Variants in CHD9NB observed in about 807,000 individuals in gnomAD.
The protein encoded by CHD9NB is CHD9 neighbor.
At chr16:53,042,721 G>A in the CHD9NB span, 2 of 152,170 alleles carry the variant, frequency 1.3e-5, no homozygotes, top group Admixed American at 6.5e-5. Context: ...AAAGAAAAAT[G>A]GTCCTCACTA....
the CHD9NB span, chr16:53,042,942 C>T: frequency 6.6e-6 from 1 of 152,232 alleles, no homozygotes; most frequent in East Asian, 1.9e-4. Flanking sequence ...ATTAAACCGT[C>T]TATGGAAAGT....
At chr16:53,042,073 T>TAA in the CHD9NB span, among the ~76,000 whole-genome samples, 1 of 152,196 alleles carries the variant, frequency 6.6e-6, no homozygotes, top group African/African-American at 2.4e-5. Context: ...GCAGTTGCCT[T>TAA]ATTGCTCAAA....
At chr16:53,042,574 C>T in the CHD9NB span, among the ~76,000 whole-genome samples, 3 of 149,290 alleles carry the variant, frequency 2.0e-5, no homozygotes, top group African/African-American at 5.0e-5. Context: ...CTTCCCTCTC[C>T]GTCTCTTCCT....
At chr16:53,041,849 C>G in the CHD9NB span, among the ~76,000 whole-genome samples, 1 of 152,160 alleles carries the variant, frequency 6.6e-6, no homozygotes, top group Non-Finnish European at 1.5e-5. Flanking sequence ...CAAAGAGGCC[C>G]CAAACTTCCT....
chr16:53,036,352 C>A, the CHD9NB span, among the ~76,000 whole-genome samples: 1 of 152,166 alleles, frequency 6.6e-6, no homozygotes, highest in Non-Finnish European at 1.5e-5. Context: ...TGAGCAGAAG[C>A]CATTGGTCAC....
At chr16:53,039,425 C>T in the CHD9NB span, among the ~76,000 whole-genome samples, 3 of 152,302 alleles carry the variant, frequency 2.0e-5, no homozygotes, top group East Asian at 5.8e-4. Context: ...AGAAGGTGAA[C>T]TTTCCTTTCC....
chr16:53,051,768 A>AATATATATATATATATATAT, the CHD9NB span, among the ~76,000 whole-genome samples: 13 of 104,608 alleles, frequency 1.2e-4, no homozygotes, highest in Non-Finnish European at 1.9e-4. Flanking sequence ...TAAAAGTATA[A>AATATATATATATATATATAT]ATATATATAT....
At chr16:53,044,275 A>G in the CHD9NB span, 1 of 397,292 alleles carries the variant, frequency 2.5e-6, no homozygotes, top group East Asian at 3.6e-5. Context: ...TGTTGAAAAG[A>G]GCCAGTTCCG....
chr16:53,049,867 T>C, the CHD9NB span, among the ~76,000 whole-genome samples: 1 of 152,160 alleles, frequency 6.6e-6, no homozygotes, highest in Admixed American at 6.5e-5. Context: ...TTGCTTAACA[T>C]TTTTGACTCA....
At chr16:53,051,038 C>T in the CHD9NB span, among the ~76,000 whole-genome samples, 1 of 152,114 alleles carries the variant, frequency 6.6e-6, no homozygotes, top group Non-Finnish European at 1.5e-5. Context: ...CAGGCGCCCA[C>T]CACCATGCCC....
At chr16:53,048,949 G>C in the CHD9NB span, among the ~76,000 whole-genome samples, 1 of 152,244 alleles carries the variant, frequency 6.6e-6, no homozygotes, top group South Asian at 2.1e-4. Context: ...AACACACAGA[G>C]CAGGATGGAG....
At chr16:53,042,739 G>A in the CHD9NB span, 2 of 152,196 alleles carry the variant, frequency 1.3e-5, no homozygotes, top group Non-Finnish European at 2.9e-5. Context: ...CTATGCACAG[G>A]CTATAAAGGG....
chr16:53,046,778 A>G, the CHD9NB span, among the ~76,000 whole-genome samples: 1 of 152,202 alleles, frequency 6.6e-6, no homozygotes, highest in Non-Finnish European at 1.5e-5. Context: ...TGTGGGACCA[A>G]GAGCAAAATA....
the CHD9NB span, among the ~76,000 whole-genome samples, chr16:53,039,799 G>A: frequency 2.6e-5 from 4 of 151,738 alleles, no homozygotes; most frequent in Non-Finnish European, 4.4e-5. Flanking sequence ...TTCTACACCC[G>A]CCCTTGAACC....
the CHD9NB span, among the ~76,000 whole-genome samples, chr16:53,051,807 AT>A: frequency 8.3e-6 from 1 of 119,850 alleles, no homozygotes; most frequent in East Asian, 2.4e-4. Flanking sequence ...ATATATATAT[AT>A]ATAATGAGTA....
chr16:53,042,454 C>T, the CHD9NB span, among the ~76,000 whole-genome samples: 6 of 150,112 alleles, frequency 4.0e-5, no homozygotes, highest in East Asian at 7.9e-4. Context: ...GCCCTCTCTC[C>T]TCCCTCCTCT....
the CHD9NB span, among the ~76,000 whole-genome samples, chr16:53,050,280 G>A: frequency 2.0e-5 from 3 of 152,164 alleles, no homozygotes; most frequent in African/African-American, 4.8e-5. Context: ...GCCAAGGTAG[G>A]TGGATGGCTT....
At chr16:53,050,749 C>T in the CHD9NB span, among the ~76,000 whole-genome samples, 9 of 152,092 alleles carry the variant, frequency 5.9e-5, no homozygotes, top group Admixed American at 2.6e-4. Flanking sequence ...GACGGGTACC[C>T]AGGCCCTTTC....
At chr16:53,045,876 G>C in the CHD9NB span, among the ~76,000 whole-genome samples, 1 of 152,076 alleles carries the variant, frequency 6.6e-6, no homozygotes, top group Non-Finnish European at 1.5e-5. Context: ...GGTCCCACTG[G>C]CTCCAGAGCC....
Sources: allele counts gnomAD v4.1 joint callset (sites outside exome capture counted in the v4.1 genomes callset), GRCh38; gene constraint gnomAD v4.1.1; transcripts MANE v1.5; gene names NCBI Gene and HGNC (gene_info 2026-07-23, HGNC 2026-07-21).